Variants in CCDC146 observed in about 807,000 individuals in gnomAD.
CCDC146 encodes coiled-coil domain-containing protein 146.
CCDC146 carries 92 observed loss-of-function variants against 119.3 expected under a neutral mutation model. The ratio of observed to expected loss-of-function variants is 0.77; its 90% confidence interval spans 0.65 to 0.92. CCDC146 has a LOEUF of 0.92. CCDC146 is among the 40% of genes least tolerant of loss of function. CCDC146 has a pLI of 0.00. For missense variants in CCDC146, 1,000 were observed against 1,103.0 expected, an observed-to-expected ratio of 0.91 and a Z score of 1.32; for synonymous variants, 372 against 371.8, an observed-to-expected ratio of 1.00 and a Z score of -0.01.
intron 2 of CCDC146, among the ~76,000 whole-genome samples, chr7:77,173,405 G>A (rs1251096289): frequency 6.6e-6 from 1 of 152,060 alleles, no homozygotes; most frequent in East Asian, 1.9e-4. Flanking sequence ...GAGGTGAGCG[G>A]ATCACCTGAG....
chr7:77,144,744 G>A (rs1287664922), intron 1 of CCDC146, among the ~76,000 whole-genome samples: 1 of 151,812 alleles, frequency 6.6e-6, no homozygotes, highest in Non-Finnish European at 1.5e-5. Flanking sequence ...TGTTGAACCA[G>A]CCTTGCATTC....
intron 2 of CCDC146, among the ~76,000 whole-genome samples, chr7:77,218,435 C>G (rs570721450): frequency 1.1e-4 from 16 of 151,928 alleles, no homozygotes; most frequent in Non-Finnish European, 2.1e-4. Flanking sequence ...TGTGTGCACA[C>G]ATTGAACGAA....
chr7:77,198,354 A>G, intron 2 of CCDC146: 1 of 979,832 alleles, frequency 1.0e-6, no homozygotes, highest in African/African-American at 1.7e-5. Flanking sequence ...GGCTTTCCAA[A>G]GTATGAGACA....
rs1793311054 is a variant in CCDC146 at position 77,262,108 on chromosome 7, T to C, written c.987-13T>C. On this transcript the variant is annotated splice_polypyrimidine_tract_variant and intron_variant, in intron 8 of 18. Transcript: ENST00000285871. ...ACAAAATCATTTTCTTCTTCTTCCT[T>C]TACCTGGAACAGAGGGATCTTGGAT... 6.4e-7 allele frequency: 1 copy of C among 1,554,738 alleles called. No individual in the cohort carries two copies. Among genetic ancestry groups the C allele is most frequent in the Non-Finnish European group, 8.7e-7 (1 of 1,151,646 alleles).
At position 77,204,451 on chromosome 7, in the gene CCDC146, G is replaced by A. The variant is rs546735242; in HGVS notation, c.157-32496G>A. On this transcript the variant is annotated intron_variant, in intron 2 of 18. Coordinates refer to ENST00000285871, the MANE Select transcript of CCDC146 (RefSeq NM_020879.3). Reference sequence around the variant, plus strand: ...GTACTTCATTCTGGCATAGATGAGAGATTCAGACTAGAAGTCTTCCAATAT... The same window carrying A: ...GTACTTCATTCTGGCATAGATGAGAAATTCAGACTAGAAGTCTTCCAATAT... Among the ~76,000 whole-genome samples the A allele has an allele frequency of 5.9e-5, 9 of 152,320 alleles. No individual in the cohort carries two copies. The South Asian group carries it at 1.9e-3, about 32-fold the overall frequency.
chr7:77,145,820 G>A (rs990935559), intron 1 of CCDC146, among the ~76,000 whole-genome samples: 20 of 152,136 alleles, frequency 1.3e-4, no homozygotes, highest in African/African-American at 4.6e-4. Context: ...CATTTGCTGA[G>A]GAGTGCTTTA....
rs374451225 is a variant in CCDC146, at chr7:77,293,186, G to A, written c.2650G>A (p.Ala884Thr). Reference protein sequence around the residue: ...RDEEMHALAIAEKSQEFLEAD... With the variant: ...RDEEMHALAITEKSQEFLEAD... ...TGAAGAAATGCACGCCTTGGCCATCGCTGAAAAGTCTCAGGTAGGCTTTGG... is the reference window on the plus strand; with the variant it reads ...TGAAGAAATGCACGCCTTGGCCATCACTGAAAAGTCTCAGGTAGGCTTTGG... The change falls in exon 18 of 19, where the codon GCT (alanine) becomes ACT (threonine). Residue 884 changes from alanine to threonine, a missense_variant. Physicochemically the swap from Ala to Thr is moderately conservative, Grantham distance 58. Around this residue, in one of 2 missense-constraint regions of CCDC146, gnomAD observed 985 missense variants for 1,045.3 expected, o/e 0.94. Transcript: ENST00000285871. The A allele has an allele frequency of 6.2e-7, 1 of 1,613,758 alleles. No homozygotes were observed. The highest frequency in any genetic ancestry group is 8.5e-7 in the Non-Finnish European group (1 of 1,179,992).
intron 2 of CCDC146, chr7:77,199,865 G>C: frequency 6.6e-7 from 1 of 1,517,746 alleles, no homozygotes; most frequent in Non-Finnish European, 8.9e-7. Context: ...AGCTGCCTGA[G>C]TCAGGCTTTC....
In CCDC146 at chr7:77,274,490, A is replaced by G; in HGVS notation, c.1278A>G (p.Ile426Met). ...GTGTTTTTTTTCAAAAGAAAATTAT[A>G]TCAGAAATGGAGTCTAAGTTAGTAG... ...AKRNLAQQKI[I>M]SEMESKLVEQ... is the part of the protein sequence containing the mutation. Residue 426 changes from isoleucine (I) to methionine (M), a missense_variant, in exon 11 of 19, where the codon ATA (isoleucine) becomes ATG (methionine). By Grantham distance (10) the Ile-to-Met change is conservative. Transcript: ENST00000285871. 2 of 1,548,590 alleles carry G rather than the reference A, an allele frequency of 1.3e-6. No homozygotes were observed. The highest frequency in any genetic ancestry group is 8.7e-7 in the Non-Finnish European group (1 of 1,150,830).
intron 2 of CCDC146, among the ~76,000 whole-genome samples, chr7:77,182,336 T>C (rs947120009): frequency 6.6e-6 from 1 of 152,190 alleles, no homozygotes; most frequent in Non-Finnish European, 1.5e-5. Flanking sequence ...GTCATTTAAG[T>C]TCTCTGAACC....
chr7:77,219,638 C>T (rs575540250), intron 2 of CCDC146, among the ~76,000 whole-genome samples: 8 of 152,160 alleles, frequency 5.3e-5, no homozygotes, highest in East Asian at 1.9e-4. Flanking sequence ...ACTTTATTAT[C>T]GGGGGAACCA....
intron 1 of CCDC146, among the ~76,000 whole-genome samples, chr7:77,142,305 C>CATTTATTTATTTATTT (rs34373715): frequency 1.4e-5 from 2 of 142,790 alleles, no homozygotes; most frequent in South Asian, 2.2e-4. Context: ...CATGATTGTA[C>CATTTATTTATTTATTT]ATTTATTTAT....
At chr7:77,236,867 A>C in intron 2 of CCDC146, 80 bp from the exon 3 acceptor site, 2 of 1,024,498 alleles carry the variant, frequency 2.0e-6, no homozygotes, top group Non-Finnish European at 3.0e-6. Context: ...ATTTTATAAG[A>C]TAACCATATA....
At chr7:77,205,091 T>C (rs955596555) in intron 2 of CCDC146, among the ~76,000 whole-genome samples, 2 of 152,208 alleles carry the variant, frequency 1.3e-5, no homozygotes, top group Non-Finnish European at 2.9e-5. Flanking sequence ...CTTCTTCTTA[T>C]AATCCCAAAA....
intron 9 of CCDC146, among the ~76,000 whole-genome samples, chr7:77,269,671 T>G (rs1286441043): frequency 1.3e-5 from 2 of 152,240 alleles, no homozygotes; most frequent in African/African-American, 4.8e-5. Context: ...TACTAGCTAT[T>G]AAGTCCACAA....
chr7:77,294,880 TC>T lies in CCDC146; in HGVS notation c.*16del, dbSNP rs1562866021. 6.2e-7 allele frequency: 1 copy of T among 1,606,974 alleles called. No homozygotes were observed. The highest frequency in any genetic ancestry group is 2.2e-5 in the East Asian group (1 of 44,780). ...GTTGAAATCTGAATATGTGAACAAATCCAGGCCTCTCAAGGAAAAGACTTCA... is the reference window on the plus strand; with the variant it reads ...GTTGAAATCTGAATATGTGAACAAATCAGGCCTCTCAAGGAAAAGACTTCA... On this transcript the variant is annotated 3_prime_UTR_variant, in exon 19 of 19. Coordinates refer to ENST00000285871, the MANE Select transcript of CCDC146 (RefSeq NM_020879.3).
At chr7:77,165,072 G>A (rs1461897934) in intron 1 of CCDC146, among the ~76,000 whole-genome samples, 2 of 152,226 alleles carry the variant, frequency 1.3e-5, no homozygotes, top group Non-Finnish European at 2.9e-5. Context: ...CTTATGCAGT[G>A]GAGGCATTTT....
At chr7:77,220,753 G>A (rs990577342) in intron 2 of CCDC146, among the ~76,000 whole-genome samples, 1 of 152,124 alleles carries the variant, frequency 6.6e-6, no homozygotes, top group African/African-American at 2.4e-5. Flanking sequence ...GAATCTCTTT[G>A]ATACTTAAAT....
chr7:77,223,912 C>A (rs756330259), intron 2 of CCDC146, among the ~76,000 whole-genome samples: 10 of 152,116 alleles, frequency 6.6e-5, no homozygotes, highest in Non-Finnish European at 1.5e-4. Flanking sequence ...AATACAGCAG[C>A]AGTAGGGAGA....
Sources: allele counts gnomAD v4.1 joint callset (sites outside exome capture counted in the v4.1 genomes callset), GRCh38; gene constraint gnomAD v4.1.1; regional missense constraint gnomAD v4.1.1; transcripts MANE v1.5; gene names NCBI Gene and HGNC (gene_info 2026-07-23, HGNC 2026-07-21).